Variants in ARHGAP23 observed in about 807,000 individuals in gnomAD.
ARHGAP23 encodes the protein rho GTPase-activating protein 23.
ARHGAP23 carries 34 observed loss-of-function variants against 136.3 expected under a neutral mutation model. The ratio of observed to expected loss-of-function variants is 0.25; its 90% CI spans 0.19 to 0.33. The LOEUF is 0.33. Ranked by LOEUF, ARHGAP23 falls within the 10% of genes least tolerant of loss-of-function variation. ARHGAP23 has a pLI of 1.00. For missense variants in ARHGAP23, 1,808 were observed against 2,139.0 expected (o/e 0.85, Z 3.05); for synonymous variants, 832 against 920.5 (o/e 0.90, Z 1.74).
Position 38,420,999 on chromosome 17 carries a change from G to A in ARHGAP23, n.120+1600G>A, listed in dbSNP as rs1047221647. On this transcript the variant is annotated intron_variant and non_coding_transcript_variant, in intron 1 of 4. Transcript: ENST00000633445. Reference sequence around the variant, plus strand: ...GAGAATCCTAAATGCATCTCACTGGGCCTGCAGCTCAGCCTGAGTTGTTCC... The same window carrying A: ...GAGAATCCTAAATGCATCTCACTGGACCTGCAGCTCAGCCTGAGTTGTTCC... 4.6e-4 allele frequency among the ~76,000 whole-genome samples: 70 copies of A among 152,132 alleles called. 1 individual carries two copies. The highest frequency in any genetic ancestry group is 4.5e-3 in the Admixed American group (68 of 15,280).
rs528849442 is a variant in ARHGAP23, at chr17:38,482,801, G to C, written c.2907+123G>C. 172 of 1,202,096 alleles carry C rather than the reference G, an allele frequency of 1.4e-4. No homozygotes were observed. In the African/African-American group the frequency reaches 2.5e-3, roughly 17 times the overall value. 74.5% of individuals were successfully genotyped at this position (1,202,096 alleles called of 1,614,324 possible). A position where few individuals can be genotyped will look rare whatever the true frequency, so the allele number is the denominator to read the frequency against. ...GTGCCCTATGACATGCCCGGCATTG[G>C]TCCAGAACACCAAGATGGGCAAGAT... On this transcript the variant is annotated intron_variant, in intron 16 of 23. Transcript: ENST00000622683.
chr17:38,504,483 T>C (rs1479831471), intron 23 of ARHGAP23, among the ~76,000 whole-genome samples: 3 of 152,140 alleles, frequency 2.0e-5, no homozygotes, highest in Admixed American at 2.0e-4. Context: ...GCTCTGAGGG[T>C]GGGCACAAAT....
intron 7 of ARHGAP23, 111 bp downstream of exon 7, chr17:38,467,442 G>T: frequency 2.0e-6 from 2 of 991,466 alleles, no homozygotes; most frequent in Non-Finnish European, 2.9e-6. Context: ...GGGTGCTGGT[G>T]GGATCATCTT....
chr17:38,469,513 C>T lies in ARHGAP23; in HGVS notation c.1805-11C>T, dbSNP rs1166787197. 8 of 1,546,202 alleles carry T rather than the reference C, an allele frequency of 5.2e-6. No homozygotes were observed. Among genetic ancestry groups the T allele is most frequent in the Middle Eastern group, 4.6e-4 (2 of 4,364 alleles). ...CGCTGACCCTGAGGCCCGATGTGGG[C>T]GGCTTTGCAGGCAGCATCAAGGCTG... is the stretch of plus-strand genomic sequence containing the variant. On this transcript the variant is annotated splice_polypyrimidine_tract_variant and intron_variant, in intron 8 of 23. Coordinates refer to ENST00000622683, the MANE Select transcript of ARHGAP23 (RefSeq NM_001199417.2).
At chr17:38,500,510 T>G in intron 22 of ARHGAP23, 87 bp from the exon 23 acceptor site, 2 of 1,249,352 alleles carry the variant, frequency 1.6e-6, no homozygotes, top group Non-Finnish European at 2.3e-6. Context: ...TTCTGAAGCC[T>G]TTGAGGAGAG....
In ARHGAP23 at chr17:38,510,963, G is replaced by C. The variant is rs758032714; in HGVS notation, c.4467G>C (p.Gln1489His). The C allele has an allele frequency of 6.9e-7, 1 of 1,449,718 alleles. No individual in the cohort carries two copies. Among genetic ancestry groups the C allele is most frequent in the South Asian group, 1.4e-5 (1 of 71,856 alleles). 89.8% of individuals were successfully genotyped at this position (1,449,718 alleles called of 1,614,324 possible). Residue 1489 changes from glutamine (Q) to histidine (H), a missense_variant, in exon 24 of 24, where the codon CAG (glutamine) becomes CAC (histidine). Transcript: ENST00000622683. The surrounding 1 kb of genome is among the most constrained non-coding windows in gnomAD (Gnocchi z 4.6). The stretch of plus-strand genomic sequence containing the variant: ...GCTCGGCCGCCTCCCGCCTGCATCA[G>C]TGTCTGTGATCCCCACCTCCCGCGC... ...PRRSAASRLH[Q>H]CL
intron 1 of ARHGAP23, among the ~76,000 whole-genome samples, chr17:38,455,296 GTGTGTGGTAGCTGTGGC>G (rs1468894953): frequency 2.0e-5 from 3 of 152,220 alleles, no homozygotes; most frequent in African/African-American, 7.2e-5. Context: ...CTTCAAGCAG[GTGTGTGGTAGCTGTGGC>G]TGTGTGGTAG....
chr17:38,499,784 C>T (rs902909321), intron 22 of ARHGAP23, among the ~76,000 whole-genome samples: 2 of 152,172 alleles, frequency 1.3e-5, no homozygotes, highest in African/African-American at 2.4e-5. Context: ...GTGGATTAAC[C>T]GCACCTGCCC....
chr17:38,492,193 G>A (rs1163203058), intron 20 of ARHGAP23, among the ~76,000 whole-genome samples: 2 of 152,176 alleles, frequency 1.3e-5, no homozygotes, highest in African/African-American at 2.4e-5. Context: ...AGCAGAGGGC[G>A]CAGAAGGCCT....
At chr17:38,434,952 G>C (rs751376176) in intron 1 of ARHGAP23, among the ~76,000 whole-genome samples, 1 of 152,218 alleles carries the variant, frequency 6.6e-6, no homozygotes, top group Non-Finnish European at 1.5e-5. Flanking sequence ...CTCCCGCATA[G>C]AGTCTCCCTT....
rs558547593 is a variant in ARHGAP23 at position 38,467,863 on chromosome 17, T to C, written c.1648+532T>C. Among the ~76,000 whole-genome samples, 4 of 152,350 alleles carry C rather than the reference T, an allele frequency of 2.6e-5. No individual in the cohort carries two copies. In the South Asian group the frequency reaches 8.3e-4, roughly 32 times the overall value. ...CATCTTCCCTTTGTATCTTTCCCTC[T>C]TTGTCCTTTCCATCCACCCTCCATC... On this transcript the variant is annotated intron_variant, in intron 7 of 23. Coordinates refer to ENST00000622683, the MANE Select transcript of ARHGAP23 (RefSeq NM_001199417.2).
chr17:38,498,037 A>G (rs1276938132), intron 21 of ARHGAP23, among the ~76,000 whole-genome samples: 3 of 151,822 alleles, frequency 2.0e-5, no homozygotes, highest in Non-Finnish European at 2.9e-5. Flanking sequence ...TCCCCAGTCG[A>G]AATGGGGGAG....
upstream of ARHGAP23, chr17:38,428,408 G>A (rs940545779): frequency 3.2e-6 from 2 of 634,068 alleles, no homozygotes; most frequent in South Asian, 5.7e-5. Context: ...GCTCGGCCCC[G>A]CCCCCGGCCC....
At chr17:38,440,964 C>T (rs2038907034) in intron 1 of ARHGAP23, among the ~76,000 whole-genome samples, 2 of 152,196 alleles carry the variant, frequency 1.3e-5, no homozygotes, top group Non-Finnish European at 2.9e-5. Flanking sequence ...GGCTGCACAG[C>T]GTCAGTGGGA....
At chr17:38,505,814 G>C (rs1319199112) in intron 23 of ARHGAP23, among the ~76,000 whole-genome samples, 1 of 152,218 alleles carries the variant, frequency 6.6e-6, no homozygotes, top group Non-Finnish European at 1.5e-5. Flanking sequence ...TGTAATCCCA[G>C]CTACTCAGGC....
In ARHGAP23 at chr17:38,510,761, G is replaced by T. The variant is rs2040745017; in HGVS notation, c.4265G>T (p.Trp1422Leu). 1.3e-6 allele frequency: 2 copies of T among 1,489,500 alleles called. No individual in the cohort carries two copies. Among genetic ancestry groups the T allele is most frequent in the East Asian group, 2.9e-5 (1 of 34,330 alleles). 92.3% of individuals were successfully genotyped at this position (1,489,500 alleles called of 1,614,324 possible). Residue 1422 changes from tryptophan (W) to leucine (L), a missense_variant, in exon 24 of 24, where the codon TGG becomes TTG. Around this residue, in one of 7 missense-constraint regions of ARHGAP23, gnomAD observed 506 missense variants for 455.8 expected, o/e 1.11. Transcript: ENST00000622683. The surrounding 1 kb of genome is among the most constrained non-coding windows in gnomAD (Gnocchi z 4.6). ...SPLTDLNFNE[W>L]KELGGGGPPE... The stretch of plus-strand genomic sequence containing the variant: ...CTGACTGACCTCAACTTCAACGAGT[G>T]GAAGGAGCTGGGCGGAGGGGGCCCC...
intron 1 of ARHGAP23, among the ~76,000 whole-genome samples, chr17:38,455,695 G>A (rs1473010240): frequency 1.3e-5 from 2 of 152,220 alleles, no homozygotes; most frequent in Non-Finnish European, 2.9e-5. Flanking sequence ...CAGGCAGGGG[G>A]CAGCCCACAC....
chr17:38,480,319 T>G (rs1230867753), intron 14 of ARHGAP23, among the ~76,000 whole-genome samples: 1 of 152,112 alleles, frequency 6.6e-6, no homozygotes, highest in Non-Finnish European at 1.5e-5. Flanking sequence ...CTGACCAACA[T>G]GGTGAAACCC....
chr17:38,421,655 G>A (rs945690352), intron 1 of ARHGAP23, among the ~76,000 whole-genome samples: 1 of 152,258 alleles, frequency 6.6e-6, no homozygotes, highest in Admixed American at 6.5e-5. Flanking sequence ...ATCTCTCACG[G>A]GGGCTGGAAC....
Sources: allele counts gnomAD v4.1 joint callset (sites outside exome capture counted in the v4.1 genomes callset), GRCh38; gene constraint gnomAD v4.1.1; regional missense constraint gnomAD v4.1.1; non-coding constraint Gnocchi (gnomAD v3.1); transcripts MANE v1.5; gene names NCBI Gene and HGNC (gene_info 2026-07-23, HGNC 2026-07-21).